Variants in PLXNA4 observed in about 807,000 individuals in gnomAD.
The protein encoded by PLXNA4 is plexin A4, also known as plexin-A4.
PLXNA4 carries 44 observed loss-of-function variants against 191.8 expected under a neutral mutation model. The observed-to-expected ratio is 0.23, with a 90% CI of 0.18 to 0.29. The LOEUF is 0.29. Among genes scored for constraint, PLXNA4 ranks in the 10% least tolerant of loss-of-function variants. The probability of loss-of-function intolerance (pLI) is 1.00; values close to 1 mark genes in which losing one functional copy is unlikely to be tolerated. For synonymous variants in PLXNA4, 1,082 were observed against 1,009.5 expected (o/e 1.07, Z -1.36); for missense variants, 1,800 against 2,488.8 (o/e 0.72, Z 5.89).
intron 3 of PLXNA4, among the ~76,000 whole-genome samples, chr7:132,456,527 C>A (rs1385370216): frequency 2.6e-5 from 4 of 152,124 alleles, no homozygotes; most frequent in African/African-American, 7.2e-5. Flanking sequence ...ACTAATCAAC[C>A]GGGTCTGGAC....
At chr7:132,478,549 G>A (rs1797214893) in intron 3 of PLXNA4, among the ~76,000 whole-genome samples, 2 of 152,130 alleles carry the variant, frequency 1.3e-5, no homozygotes, top group Non-Finnish European at 2.9e-5. Flanking sequence ...AGAATGTATT[G>A]ACTTATAGAT....
intron 31 of PLXNA4, among the ~76,000 whole-genome samples, chr7:132,132,415 C>CTGTTCTGTTCTGTTCTGT (rs1563047929): frequency 1.7e-4 from 8 of 46,762 alleles, no homozygotes; most frequent in African/African-American, 6.7e-4. Context: ...CTGTTCTGTT[C>CTGTTCTGTTCTGTTCTGT]TGTTCTGTTC....
chr7:132,371,074 G>C (rs1804417841), intron 3 of PLXNA4, among the ~76,000 whole-genome samples: 1 of 152,172 alleles, frequency 6.6e-6, no homozygotes, highest in Non-Finnish European at 1.5e-5. Context: ...GAGTGGGAAA[G>C]GCACGCTTCC....
intron 1 of PLXNA4, among the ~76,000 whole-genome samples, chr7:132,550,457 A>T (rs77098850): frequency 0.012 from 1,786 of 152,306 alleles, 36 homozygotes; most frequent in African/African-American, 0.041. Context: ...CTTCCAGGCT[A>T]GGATTAACAG....
intron 3 of PLXNA4, among the ~76,000 whole-genome samples, chr7:132,298,880 G>T (rs569443899): frequency 4.1e-4 from 62 of 152,380 alleles, no homozygotes; most frequent in Middle Eastern, 3.4e-3. Context: ...ACAACCTTCT[G>T]CAAACACTCA....
intron 4 of PLXNA4, among the ~76,000 whole-genome samples, chr7:132,265,460 T>C (rs1455718617): frequency 6.6e-6 from 1 of 152,152 alleles, no homozygotes; most frequent in African/African-American, 2.4e-5. Context: ...TATGGTCAAT[T>C]GGCATCATGA....
chr7:132,518,601 A>G (rs1335391830), intron 1 of PLXNA4, among the ~76,000 whole-genome samples: 1 of 152,156 alleles, frequency 6.6e-6, no homozygotes, highest in Non-Finnish European at 1.5e-5. Flanking sequence ...TGGCGCCACC[A>G]GGCAACCAGC....
At chr7:132,384,849 T>C (rs1805055027) in intron 3 of PLXNA4, 6 of 1,167,094 alleles carry the variant, frequency 5.1e-6, no homozygotes, top group Non-Finnish European at 5.3e-6. Flanking sequence ...TCCTACCATA[T>C]ATCAGGCCCA....
At chr7:132,562,705 T>TCTC (rs1322981726) in intron 1 of PLXNA4, among the ~76,000 whole-genome samples, 1 of 65,328 alleles carries the variant, frequency 1.5e-5, no homozygotes, top group Admixed American at 1.4e-4. Context: ...TCCTCCTCCT[T>TCTC]CACCTCCTCC....
At chr7:132,284,535 T>G (rs917476080) in intron 4 of PLXNA4, among the ~76,000 whole-genome samples, 2 of 152,140 alleles carry the variant, frequency 1.3e-5, no homozygotes, top group Non-Finnish European at 2.9e-5. Context: ...GTGTGAGTAG[T>G]GGCCCTAGCC....
At chr7:132,485,119 A>G (rs1797501770) in intron 3 of PLXNA4, 13 of 1,470,126 alleles carry the variant, frequency 8.8e-6, no homozygotes, top group Non-Finnish European at 1.2e-5. Context: ...TTTTTGTACT[A>G]TATACTCCTA....
chr7:132,582,516 G>T (rs1802421818), intron 2 of PLXNA4, among the ~76,000 whole-genome samples: 1 of 152,130 alleles, frequency 6.6e-6, no homozygotes, highest in South Asian at 2.1e-4. Flanking sequence ...GTCAAAAAAA[G>T]ACATTTTAGC....
At chr7:132,317,024 G>T (rs894408254) in intron 3 of PLXNA4, among the ~76,000 whole-genome samples, 1 of 152,132 alleles carries the variant, frequency 6.6e-6, no homozygotes, top group African/African-American at 2.4e-5. Flanking sequence ...ATTGGGTTGT[G>T]TGTGTTGTGT....
chr7:132,600,793 C>A (rs1802803183), intron 2 of PLXNA4, among the ~76,000 whole-genome samples: 1 of 152,006 alleles, frequency 6.6e-6, no homozygotes, highest in Non-Finnish European at 1.5e-5. Flanking sequence ...GTCTATAGTT[C>A]TTTAAATTTC....
chr7:132,177,445 G>A (rs1480628362), intron 20 of PLXNA4, among the ~76,000 whole-genome samples: 2 of 152,234 alleles, frequency 1.3e-5, no homozygotes, highest in African/African-American at 4.8e-5. Flanking sequence ...TGGGCAAGCT[G>A]CAAAGTGCCT....
chr7:132,308,318 G>T (rs1012583730), intron 3 of PLXNA4, among the ~76,000 whole-genome samples: 5 of 152,132 alleles, frequency 3.3e-5, no homozygotes, highest in African/African-American at 9.7e-5. Flanking sequence ...TGACCCCAGA[G>T]CCACAACTTC....
At chr7:132,149,768 C>G (rs1011587975) in intron 25 of PLXNA4, among the ~76,000 whole-genome samples, 6 of 152,186 alleles carry the variant, frequency 3.9e-5, no homozygotes, top group Non-Finnish European at 8.8e-5. Flanking sequence ...CACTGCTTGA[C>G]CCACCAGGGA....
At chr7:132,195,316 C>G (rs1234174707) in intron 13 of PLXNA4, among the ~76,000 whole-genome samples, 1 of 152,196 alleles carries the variant, frequency 6.6e-6, no homozygotes, top group African/African-American at 2.4e-5. Flanking sequence ...AGCAGCCTCA[C>G]AGTATTTCAT....
chr7:132,271,651 G>A (rs1239681109), intron 4 of PLXNA4, among the ~76,000 whole-genome samples: 1 of 152,088 alleles, frequency 6.6e-6, no homozygotes, highest in Non-Finnish European at 1.5e-5. Flanking sequence ...AGAAGCCAAG[G>A]TCAACACCAC....
Sources: allele counts gnomAD v4.1 joint callset (sites outside exome capture counted in the v4.1 genomes callset), GRCh38; gene constraint gnomAD v4.1.1; transcripts MANE v1.5; gene names NCBI Gene and HGNC (gene_info 2026-07-23, HGNC 2026-07-21).